The following HPSE2 variants were observed in gnomAD, a reference collection of about 807,000 sequenced individuals.
HPSE2 encodes heparanase 2 (inactive).
A neutral mutation model predicts 60.5 loss-of-function variants in HPSE2; 38 were observed. The ratio of observed to expected loss-of-function variants is 0.63; its 90% confidence interval spans 0.48 to 0.82. The LOEUF (loss-of-function observed/expected upper bound fraction) is 0.82, where lower values mean the gene tolerates loss of function less well. HPSE2 is among the 40% of genes least tolerant of loss of function. The pLI, the probability that HPSE2 is intolerant of heterozygous loss-of-function variation, is 0.00. For missense variants in HPSE2, 713 were observed against 740.4 expected, an observed-to-expected ratio of 0.96 and a Z score of 0.43; for synonymous variants, 295 against 293.2, an observed-to-expected ratio of 1.01 and a Z score of -0.06.
chr10:99,094,291 C>G (rs903483247), intron 3 of HPSE2, among the ~76,000 whole-genome samples: 4 of 151,416 alleles, frequency 2.6e-5, no homozygotes, highest in Non-Finnish European at 4.4e-5. Flanking sequence ...TGTATTGAAA[C>G]GTTCTCTATG....
At chr10:98,745,059 A>C (rs1276332906) in intron 3 of HPSE2, among the ~76,000 whole-genome samples, 1 of 151,888 alleles carries the variant, frequency 6.6e-6, no homozygotes, top group Non-Finnish European at 1.5e-5. Flanking sequence ...AAAATTAGCC[A>C]GGCGCGGTGG....
chr10:99,036,449 A>C (rs1957612142), intron 3 of HPSE2, among the ~76,000 whole-genome samples: 1 of 152,172 alleles, frequency 6.6e-6, no homozygotes. Context: ...CAAAGCTGGA[A>C]CGATTTGAGA....
chr10:99,152,877 C>T (rs977272258), intron 2 of HPSE2, among the ~76,000 whole-genome samples: 5 of 152,272 alleles, frequency 3.3e-5, no homozygotes, highest in Non-Finnish European at 5.9e-5. Flanking sequence ...ACAGTGGGCG[C>T]GGGTCAGTGG....
intron 4 of HPSE2, among the ~76,000 whole-genome samples, chr10:98,733,450 T>C (rs1351865203): frequency 6.6e-6 from 1 of 152,062 alleles, no homozygotes; most frequent in Non-Finnish European, 1.5e-5. Context: ...CTCTCTAACC[T>C]AGTGAAGAAA....
Position 98,721,808 on chromosome 10 carries a change from T to A in HPSE2, c.805A>T (p.Met269Leu). 1 of 1,613,582 alleles carries A rather than the reference T, an allele frequency of 6.2e-7. No individual in the cohort carries two copies. Among genetic ancestry groups the A allele is most frequent in the Non-Finnish European group, 8.5e-7 (1 of 1,179,796 alleles). The change falls in exon 5 of 12, where the codon ATG becomes TTG. Residue 269 changes from methionine to leucine, a missense_variant. By Grantham distance (15) the Met-to-Leu change is conservative (BLOSUM62 2). Coordinates refer to ENST00000370552, the MANE Select transcript of HPSE2 (RefSeq NM_021828.5). ...LGNEPNNYRT[M>L]HGRAVNGSQL... is the part of the protein sequence containing the mutation. The stretch of plus-strand genomic sequence containing the variant: ...CTGCCATTTACTGCCCGGCCATGCA[T>A]GGTCCGATAGTTATTTGGCTCTAGA...
At chr10:98,565,581 G>A (rs1158276149) in intron 9 of HPSE2, among the ~76,000 whole-genome samples, 1 of 152,104 alleles carries the variant, frequency 6.6e-6, no homozygotes, top group Non-Finnish European at 1.5e-5. Context: ...TATCTTTGGT[G>A]GGCATTTGGG....
At chr10:99,159,577 G>C (rs1564855333) in intron 2 of HPSE2, among the ~76,000 whole-genome samples, 1 of 152,102 alleles carries the variant, frequency 6.6e-6, no homozygotes, top group African/African-American at 2.4e-5. Flanking sequence ...ACTTCTGCAA[G>C]TTTTTGTAAG....
intron 2 of HPSE2, among the ~76,000 whole-genome samples, chr10:99,152,383 G>C (rs1281582881): frequency 1.3e-5 from 2 of 150,580 alleles, no homozygotes; most frequent in Admixed American, 1.3e-4. Context: ...ATTAAAGGAA[G>C]TGCTTCAGGT....
chr10:98,882,343 G>A (rs1246730829), intron 3 of HPSE2, among the ~76,000 whole-genome samples: 12 of 151,950 alleles, frequency 7.9e-5, no homozygotes, highest in Admixed American at 7.9e-4. Flanking sequence ...GGCAATAATT[G>A]ATTAATATAC....
intron 3 of HPSE2, among the ~76,000 whole-genome samples, chr10:98,779,542 A>G (rs1184531308): frequency 6.6e-6 from 1 of 152,136 alleles, no homozygotes; most frequent in Non-Finnish European, 1.5e-5. Flanking sequence ...TACACACACC[A>G]TGGGTTCTCC....
chr10:98,962,387 C>G (rs1231693788), intron 3 of HPSE2, among the ~76,000 whole-genome samples: 1 of 151,370 alleles, frequency 6.6e-6, no homozygotes, highest in African/African-American at 2.4e-5. Context: ...ATGGAATGTT[C>G]TTCCAATTGT....
At chr10:99,247,800 G>T in the HPSE2 span, among the ~76,000 whole-genome samples, 482 of 152,254 alleles carry the variant, frequency 3.2e-3, 2 homozygotes, top group South Asian at 0.011. Context: ...CATGGGGGTG[G>T]ATTTCCCCTT....
At chr10:98,797,156 G>T (rs1362859291) in intron 3 of HPSE2, among the ~76,000 whole-genome samples, 1 of 152,156 alleles carries the variant, frequency 6.6e-6, no homozygotes, top group Non-Finnish European at 1.5e-5. Context: ...AGGCACCAGA[G>T]ATCAATCCTG....
intron 2 of HPSE2, among the ~76,000 whole-genome samples, chr10:99,227,855 T>A: frequency 1.5e-5 from 2 of 132,880 alleles, no homozygotes; most frequent in Admixed American, 8.3e-5. Context: ...ATATATAAAG[T>A]TGAATGTGTA....
upstream of HPSE2, among the ~76,000 whole-genome samples, chr10:99,239,493 G>A (rs183944956): frequency 6.8e-5 from 9 of 131,466 alleles, no homozygotes; most frequent in Admixed American, 5.4e-4. Flanking sequence ...GCAGTGGCAC[G>A]ATCTCGGCTC....
At chr10:98,478,612 A>C (rs942748044) in intron 11 of HPSE2, among the ~76,000 whole-genome samples, 3 of 152,188 alleles carry the variant, frequency 2.0e-5, no homozygotes, top group African/African-American at 4.8e-5. Context: ...AGTGAAATCT[A>C]TCTCTTTTAA....
At chr10:98,460,977 C>A (rs530382393) in intron 11 of HPSE2, among the ~76,000 whole-genome samples, 9 of 152,362 alleles carry the variant, frequency 5.9e-5, no homozygotes, top group African/African-American at 1.9e-4. Context: ...GGTTGTGAGT[C>A]ACCCTCAGAA....
chr10:98,616,145 C>T (rs1172776076), intron 8 of HPSE2, among the ~76,000 whole-genome samples: 3 of 151,994 alleles, frequency 2.0e-5, no homozygotes, highest in Admixed American at 1.3e-4. Flanking sequence ...CTCCAAATCA[C>T]GTGTCATTTT....
At chr10:98,848,070 T>C (rs140421367) in intron 3 of HPSE2, among the ~76,000 whole-genome samples, 127 of 152,372 alleles carry the variant, frequency 8.3e-4, no homozygotes, top group Non-Finnish European at 1.6e-3. Flanking sequence ...ACAGACTTAT[T>C]CACAGCCAAG....
Sources: gnomAD v4.1 joint callset for allele counts (sites outside exome capture counted in the v4.1 genomes callset) on GRCh38, gnomAD v4.1.1 for gene constraint, MANE v1.5 for transcripts, NCBI Gene and HGNC (gene_info 2026-07-23, HGNC 2026-07-21) for gene names.